AIG1: variants seen among roughly 807,000 people sequenced by gnomAD.
The protein encoded by AIG1 is androgen-induced gene 1 protein.
AIG1 carries 23 observed loss-of-function variants against 31.4 expected under a neutral mutation model. The ratio of observed to expected loss-of-function variants is 0.73; its 90% CI spans 0.53 to 1.04. The LOEUF (loss-of-function observed/expected upper bound fraction) is 1.04, where lower values mean the gene tolerates loss of function less well. Ranked by LOEUF, AIG1 falls within the 50% of genes least tolerant of loss-of-function variation. The probability of loss-of-function intolerance (pLI) is 0.00; values close to 1 mark genes in which losing one functional copy is unlikely to be tolerated. For synonymous variants in AIG1, 100 were observed against 110.5 expected, an observed-to-expected ratio of 0.90 and a Z score of 0.60; for missense variants, 274 against 295.0, an observed-to-expected ratio of 0.93 and a Z score of 0.52.
downstream of AIG1, among the ~76,000 whole-genome samples, chr6:143,343,580 A>G (rs1325445916): frequency 6.6e-6 from 1 of 152,218 alleles, no homozygotes; most frequent in Non-Finnish European, 1.5e-5. Context: ...AAAGGTTTAC[A>G]TCTAGTTCGT....
chr6:143,336,560 C>G (rs1187689749), intron 5 of AIG1, among the ~76,000 whole-genome samples: 2 of 152,138 alleles, frequency 1.3e-5, no homozygotes, highest in Non-Finnish European at 2.9e-5. Context: ...CACATTCTGA[C>G]TTTAAAACCA....
intron 4 of AIG1, among the ~76,000 whole-genome samples, chr6:143,296,428 T>C (rs1798432471): frequency 6.6e-6 from 1 of 152,176 alleles, no homozygotes; most frequent in South Asian, 2.1e-4. Flanking sequence ...TATGAGAGCA[T>C]TTTGAAGACT....
chr6:143,185,281 T>A (rs892124450), intron 3 of AIG1, among the ~76,000 whole-genome samples: 5 of 152,106 alleles, frequency 3.3e-5, no homozygotes, highest in Non-Finnish European at 7.4e-5. Flanking sequence ...CCAAACTACC[T>A]GGTCCTTGAG....
Position 143,339,627 on chromosome 6 carries a change from C to T in AIG1, c.680-12C>T. 6.2e-7 allele frequency: 1 copy of T among 1,612,176 alleles called. No homozygotes were observed. Among genetic ancestry groups the T allele is most frequent in the South Asian group, 1.1e-5 (1 of 90,838 alleles). On this transcript the variant is annotated splice_polypyrimidine_tract_variant and intron_variant, in intron 5 of 5. Transcript: ENST00000357847. Reference sequence around the variant, plus strand: ...CTGATGCTCAAATAAAACACTTTGCCTGTATTTCTAGGTATGGAAGAAGAG... The same window carrying T: ...CTGATGCTCAAATAAAACACTTTGCTTGTATTTCTAGGTATGGAAGAAGAG...
rs75923027 is a variant in AIG1 at position 143,276,359 on chromosome 6, A to G, written c.400-7751A>G. ...AGAGTTTTGGAAGTGCCCAGAACAT[A>G]CTGGCACTCAGTAAGTATTGTTCTG... On this transcript the variant is annotated intron_variant, in intron 3 of 5. Transcript: ENST00000357847. Among the ~76,000 whole-genome samples the G allele has an allele frequency of 1.7e-3, 266 of 152,298 alleles. 9 individuals carry two copies. The East Asian group carries it at 0.047, about 27-fold the overall frequency.
At chr6:143,069,384 T>A (rs531533887) in intron 1 of AIG1, among the ~76,000 whole-genome samples, 1 of 152,324 alleles carries the variant, frequency 6.6e-6, no homozygotes, top group Admixed American at 6.5e-5. Flanking sequence ...GATGCACAGT[T>A]TTGATAGATG....
rs187148827 is a variant in AIG1, at chr6:143,090,819, C to A, written c.141+29753C>A. On this transcript the variant is annotated intron_variant, in intron 1 of 5. Coordinates refer to ENST00000357847, the MANE Select transcript of AIG1 (RefSeq NM_016108.4). Reference sequence around the variant, plus strand: ...TGAAGGTTGGGGTGACTGGCAGTTTCCTAAAATAGGACACCTGTGAAGTTT... The same window carrying A: ...TGAAGGTTGGGGTGACTGGCAGTTTACTAAAATAGGACACCTGTGAAGTTT... Among the ~76,000 whole-genome samples, 15 of 152,202 alleles carry A rather than the reference C, an allele frequency of 9.9e-5. No individual in the cohort carries two copies. In the East Asian group the frequency reaches 2.9e-3, roughly 29 times the overall value.
rs376159865 is a variant in AIG1 at position 143,250,987 on chromosome 6, G to A, written c.400-33123G>A. 3.9e-5 allele frequency among the ~76,000 whole-genome samples: 6 copies of A among 152,274 alleles called. No individual in the cohort carries two copies. In the South Asian group the frequency reaches 1.2e-3, roughly 32 times the overall value. On this transcript the variant is annotated intron_variant, in intron 3 of 5. Coordinates refer to ENST00000357847, the MANE Select transcript of AIG1 (RefSeq NM_016108.4). ...ATTCTCCCCCTGGAGACTTCGGAGG[G>A]ACTGCAGCCCTGCCACCACCTTAAT...
intron 1 of AIG1, among the ~76,000 whole-genome samples, chr6:143,123,069 C>T (rs567867420): frequency 1.3e-5 from 2 of 152,254 alleles, no homozygotes; most frequent in South Asian, 2.1e-4. Flanking sequence ...AATCCTGTAA[C>T]AGGTGGAAAT....
chr6:143,307,819 G>A (rs1799455399), intron 4 of AIG1, among the ~76,000 whole-genome samples: 1 of 152,212 alleles, frequency 6.6e-6, no homozygotes, highest in Non-Finnish European at 1.5e-5. Flanking sequence ...AGCCTACAGA[G>A]GCAGGCAGGC....
At chr6:143,061,657 G>A (rs1442497595) in intron 1 of AIG1, 8 of 235,176 alleles carry the variant, frequency 3.4e-5, no homozygotes, top group Admixed American at 3.0e-4. Flanking sequence ...CATATTAGGA[G>A]ACAGAGATGT....
chr6:143,169,442 T>A (rs1287363136), intron 3 of AIG1, among the ~76,000 whole-genome samples: 2 of 152,194 alleles, frequency 1.3e-5, no homozygotes, highest in Non-Finnish European at 2.9e-5. Flanking sequence ...TATTTCTCTA[T>A]GTTGAGAACA....
rs568512122 is a variant in AIG1 at position 143,188,806 on chromosome 6, T to C, written c.399+23623T>C. ...CATCTGTAAGACCAGGGAAACATAC[T>C]GGCAATAGCAACTTCCCAGAACATT... On this transcript the variant is annotated intron_variant, in intron 3 of 5. Coordinates refer to ENST00000357847, the MANE Select transcript of AIG1 (RefSeq NM_016108.4). The C allele has an allele frequency of 1.1e-5, 11 of 985,296 alleles. No individual in the cohort carries two copies. In the African/African-American group the frequency reaches 1.9e-4, roughly 17 times the overall value. 61.0% of individuals were successfully genotyped at this position (985,296 alleles called of 1,614,324 possible). A position where few individuals can be genotyped will look rare whatever the true frequency, so the allele number is the denominator to read the frequency against.
At chr6:143,197,561 A>C (rs1039545265) in intron 3 of AIG1, among the ~76,000 whole-genome samples, 4 of 152,328 alleles carry the variant, frequency 2.6e-5, no homozygotes, top group Non-Finnish European at 5.9e-5. Flanking sequence ...TATATTTTTC[A>C]GCATCCCCTG....
intron 1 of AIG1, among the ~76,000 whole-genome samples, chr6:143,079,629 A>G (rs1291219791): frequency 6.6e-6 from 1 of 152,198 alleles, no homozygotes; most frequent in African/African-American, 2.4e-5. Context: ...AAAATATTTT[A>G]TAAACATTTT....
At chr6:143,133,191 G>C (rs867555096) in intron 1 of AIG1, among the ~76,000 whole-genome samples, 1 of 152,020 alleles carries the variant, frequency 6.6e-6, no homozygotes, top group Non-Finnish European at 1.5e-5. Flanking sequence ...TTTTTAATAG[G>C]CATTTAAACT....
downstream of AIG1, chr6:143,343,222 G>A: frequency 1.5e-6 from 1 of 678,112 alleles, no homozygotes; most frequent in Non-Finnish European, 2.8e-6. Context: ...ATCCTGGGAC[G>A]GAAATTTTTT....
At chr6:143,220,278 T>C (rs1792369802) in intron 3 of AIG1, among the ~76,000 whole-genome samples, 1 of 152,228 alleles carries the variant, frequency 6.6e-6, no homozygotes, top group Admixed American at 6.5e-5. Context: ...CATTTATTAC[T>C]ATGTACATAT....
intron 3 of AIG1, among the ~76,000 whole-genome samples, chr6:143,215,830 C>A (rs142596472): frequency 6.6e-6 from 1 of 152,176 alleles, no homozygotes; most frequent in East Asian, 1.9e-4. Flanking sequence ...GTTAGTAAAC[C>A]TTTTTTTGTA....
Sources: gnomAD v4.1 joint callset for allele counts (sites outside exome capture counted in the v4.1 genomes callset) on GRCh38, gnomAD v4.1.1 for gene constraint, MANE v1.5 for transcripts, NCBI Gene and HGNC (gene_info 2026-07-23, HGNC 2026-07-21) for gene names.